GPR33: variants seen among roughly 807,000 people sequenced by gnomAD.
GPR33 encodes probable G protein-coupled receptor 33.
GPR33 carries 4 observed loss-of-function variants against 3.1 expected under a neutral mutation model. The ratio of observed to expected loss-of-function variants is 1.29; its 90% CI spans 0.64 to 2.96. The LOEUF (loss-of-function observed/expected upper bound fraction) is 2.96, where lower values mean the gene tolerates loss of function less well. Among genes scored for constraint, GPR33 ranks in the 30% most tolerant of loss-of-function variants. The pLI, the probability that GPR33 is intolerant of heterozygous loss-of-function variation, is 0.01. For missense variants in GPR33, 390 were observed against 388.9 expected (o/e 1.00, Z -0.02); for synonymous variants, 138 against 142.0 (o/e 0.97, Z 0.20).
chr14:31,484,298 CT>C (rs1449846693), intron 1 of GPR33, among the ~76,000 whole-genome samples: 1 of 149,628 alleles, frequency 6.7e-6, no homozygotes, highest in Non-Finnish European at 1.5e-5. Flanking sequence ...TTTTTTTTTT[CT>C]GAGATAGGAT....
At chr14:31,484,821 A>G (rs567682267) in intron 1 of GPR33, among the ~76,000 whole-genome samples, 60 of 152,330 alleles carry the variant, frequency 3.9e-4, no homozygotes, top group African/African-American at 1.4e-3. Flanking sequence ...TAGTATTCTA[A>G]TACTCAGCAC....
intron 1 of GPR33, among the ~76,000 whole-genome samples, chr14:31,486,177 C>T (rs79310486): frequency 0.031 from 4,753 of 152,288 alleles, 233 homozygotes; most frequent in African/African-American, 0.11. Context: ...TAGCTCACTG[C>T]AGCGTGGAAC....
At chr14:31,486,588 G>C (rs2032421378) in intron 1 of GPR33, among the ~76,000 whole-genome samples, 1 of 152,170 alleles carries the variant, frequency 6.6e-6, no homozygotes. Flanking sequence ...GAGAACTTGA[G>C]AGAGAGGTTT....
chr14:31,482,911 G>T lies in GPR33; in HGVS notation c.*53C>A. 1 of 1,398,688 alleles carries T rather than the reference G, an allele frequency of 7.1e-7. No homozygotes were observed. Among genetic ancestry groups the T allele is most frequent in the South Asian group, 1.5e-5 (1 of 67,346 alleles). 86.6% of individuals were successfully genotyped at this position (1,398,688 alleles called of 1,614,324 possible). A position where few individuals can be genotyped will look rare whatever the true frequency, so the allele number is the denominator to read the frequency against. ...GAAGGTATATCCTATTGGTATAATTGACCAAGTGCGTGTTTGCTTAAGAAT... is the reference window on the plus strand; with the variant it reads ...GAAGGTATATCCTATTGGTATAATTTACCAAGTGCGTGTTTGCTTAAGAAT... On this transcript the variant is annotated 3_prime_UTR_variant, in exon 2 of 2. Transcript: ENST00000399285.
chr14:31,483,620 C>T lies in GPR33; in HGVS notation c.346G>A (p.Val116Ile), dbSNP rs75158054. ...AGACCGATGGCCGAAAGGAAGAAAACAGAGGTGAACATCCCCAGAGACAAA... is the reference window on the plus strand; with the variant it reads ...AGACCGATGGCCGAAAGGAAGAAAATAGAGGTGAACATCCCCAGAGACAAA... ...GTLSLGMFTS[V>I]FFLSAIGLDR... The change falls in exon 2 of 2, where the codon GTT (valine) becomes ATT (isoleucine). Residue 116 changes from valine to isoleucine, a missense_variant. Transcript: ENST00000399285. 14 of 1,536,160 alleles carry T rather than the reference C, an allele frequency of 9.1e-6. No individual in the cohort carries two copies. Among genetic ancestry groups the T allele is most frequent in the Non-Finnish European group, 1.2e-5 (14 of 1,146,928 alleles).
chr14:31,486,695 AC>A (rs2032422560), intron 1 of GPR33, among the ~76,000 whole-genome samples: 1 of 152,234 alleles, frequency 6.6e-6, no homozygotes. Flanking sequence ...TAGGAGCCCT[AC>A]AGAGGAGAAA....
chr14:31,483,048 GA>G lies in GPR33; in HGVS notation c.917del (p.Phe306SerfsTer23), dbSNP rs1305333688. On this transcript the variant is annotated frameshift_variant, in exon 2 of 2. Transcript: ENST00000399285. LOFTEE classifies it high-confidence loss of function. ...GAATGGACTTCTTGAAGACCTTTTT[GA>G]AATTCTCCCCAACAAATAAGTAGAG... is the stretch of plus-strand genomic sequence containing the variant. ...PTLYLFVGEN[F>X]KKVFKKSILA... is the part of the protein sequence containing the mutation. The G allele has an allele frequency of 2.9e-5, 45 of 1,535,574 alleles. No homozygotes were observed. Among genetic ancestry groups the G allele is most frequent in the Non-Finnish European group, 3.7e-5 (42 of 1,146,722 alleles).
At chr14:31,485,061 G>T (rs565193953) in intron 1 of GPR33, among the ~76,000 whole-genome samples, 1 of 151,812 alleles carries the variant, frequency 6.6e-6, no homozygotes, top group South Asian at 2.1e-4. Flanking sequence ...TCAGCCTCCT[G>T]AGTAGCTGGG....
rs556461631 is a variant in GPR33, at chr14:31,483,918, T to C, written c.48A>G (p.Leu16=). 1.3e-6 allele frequency: 2 copies of C among 1,535,872 alleles called. No individual in the cohort carries two copies. Among genetic ancestry groups the C allele is most frequent in the African/African-American group, 2.7e-5 (2 of 73,172 alleles). Residue 16 remains leucine, a synonymous_variant, in exon 2 of 2, where the codon TTA becomes TTG. Coordinates refer to ENST00000399285, the MANE Select transcript of GPR33 (RefSeq NM_001197184.3). ...CTAGAAACTGAGTGCTGTTTCTTAC[T>C]AAAGTAGAGGCATTGATCAGGTAAT... ...STDYLINAST[L]VRNSTQFLAP...
Position 31,487,370 on chromosome 14 carries a change from C to T in GPR33, c.-7+527G>A, listed in dbSNP as rs76719674. 9.1e-3 allele frequency among the ~76,000 whole-genome samples: 1,383 copies of T among 151,502 alleles called. 18 individuals carry two copies. The highest frequency in any genetic ancestry group is 0.064 in the East Asian group (332 of 5,170). On this transcript the variant is annotated intron_variant, in intron 1 of 1. Coordinates refer to ENST00000399285, the MANE Select transcript of GPR33 (RefSeq NM_001197184.3). Reference sequence around the variant, plus strand: ...ACCTGGGTTTGTATCCTACCTCTACCACTTACCAGCTCTGCAAGTTCAGAT... The same window carrying T: ...ACCTGGGTTTGTATCCTACCTCTACTACTTACCAGCTCTGCAAGTTCAGAT...
chr14:31,487,593 C>A (rs1430151594), intron 1 of GPR33, among the ~76,000 whole-genome samples: 2 of 152,030 alleles, frequency 1.3e-5, no homozygotes, highest in African/African-American at 4.8e-5. Context: ...GCACCTGCCA[C>A]CATGCCTGGT....
chr14:31,486,660 C>A (rs1272100575), intron 1 of GPR33, among the ~76,000 whole-genome samples: 1 of 151,982 alleles, frequency 6.6e-6, no homozygotes, highest in African/African-American at 2.4e-5. Flanking sequence ...AGACAGGCAG[C>A]ACAGAAAAAA....
intron 1 of GPR33, among the ~76,000 whole-genome samples, chr14:31,484,343 G>A (rs1438607152): frequency 6.6e-6 from 1 of 151,784 alleles, no homozygotes; most frequent in Non-Finnish European, 1.5e-5. Flanking sequence ...GTGCAGTGGA[G>A]TGATTACAGC....
At position 31,486,542 on chromosome 14, in the gene GPR33, C is replaced by T. The variant is rs151127902; in HGVS notation, c.-7+1355G>A. Among the ~76,000 whole-genome samples the T allele has an allele frequency of 2.4e-4, 37 of 152,152 alleles. No homozygotes were observed. The East Asian group carries it at 6.6e-3, about 27-fold the overall frequency. ...TGGGAATAAAAAGTGGAGTCTGAAG[C>T]ATATGAAATGGACAGGCAATGGCAA... On this transcript the variant is annotated intron_variant, in intron 1 of 1. Coordinates refer to ENST00000399285, the MANE Select transcript of GPR33 (RefSeq NM_001197184.3).
intron 1 of GPR33, among the ~76,000 whole-genome samples, chr14:31,484,977 G>A (rs1423774502): frequency 2.7e-5 from 4 of 150,904 alleles, no homozygotes; most frequent in South Asian, 2.1e-4. Context: ...GCTTTGTCAC[G>A]CAGGCTGGAG....
Position 31,482,983 on chromosome 14 carries a change from A to G in GPR33, c.983T>C (p.Val328Ala), listed in dbSNP as rs2032376302. Residue 328 changes from valine (V) to alanine (A), a missense_variant, in exon 2 of 2, where the codon GTA becomes GCA. By Grantham distance (64) the Val-to-Ala change is moderately conservative (BLOSUM62 0). Coordinates refer to ENST00000399285, the MANE Select transcript of GPR33 (RefSeq NM_001197184.3). ...FESTFSEDSS[V>A]ERTQT ...CTGAGTTTAGGTTTGTGTCCTTTCT[A>G]CAGAAGAATCTTCACTAAATGTTGA... is the stretch of plus-strand genomic sequence containing the variant. 1.3e-6 allele frequency: 2 copies of G among 1,520,234 alleles called. No individual in the cohort carries two copies. The highest frequency in any genetic ancestry group is 1.8e-6 in the Non-Finnish European group (2 of 1,142,028). 94.2% of individuals were successfully genotyped at this position (1,520,234 alleles called of 1,614,324 possible). A position where few individuals can be genotyped will look rare whatever the true frequency, so the allele number is the denominator to read the frequency against.
chr14:31,487,215 A>C (rs2139381026), intron 1 of GPR33, among the ~76,000 whole-genome samples: 1 of 152,196 alleles, frequency 6.6e-6, no homozygotes, highest in South Asian at 2.1e-4. Flanking sequence ...ATATCATATA[A>C]AGTTTCCTAG....
At chr14:31,486,365 C>T (rs2032419039) in intron 1 of GPR33, among the ~76,000 whole-genome samples, 1 of 152,296 alleles carries the variant, frequency 6.6e-6, no homozygotes, top group East Asian at 1.9e-4. Context: ...TCCCAAAGTG[C>T]TAGGATTAGA....
chr14:31,485,789 CTGTTT>C (rs1265795773), intron 1 of GPR33, among the ~76,000 whole-genome samples: 1 of 152,098 alleles, frequency 6.6e-6, no homozygotes, highest in Non-Finnish European at 1.5e-5. Flanking sequence ...AACTCTACTA[CTGTTT>C]TATATTACTT....
Sources: allele counts gnomAD v4.1 joint callset (sites outside exome capture counted in the v4.1 genomes callset), GRCh38; gene constraint gnomAD v4.1.1; transcripts MANE v1.5; gene names NCBI Gene and HGNC (gene_info 2026-07-23, HGNC 2026-07-21).